The following GABRA2 variants were observed in gnomAD, a reference collection of about 807,000 sequenced individuals.
GABRA2 encodes the protein gamma-aminobutyric acid type A receptor subunit alpha2.
GABRA2 carries 16 observed loss-of-function variants against 48.7 expected under a neutral mutation model. That is an observed-to-expected ratio of 0.33 (90% confidence interval 0.22 to 0.50). The LOEUF is 0.50. Among genes scored for constraint, GABRA2 ranks in the 20% least tolerant of loss-of-function variants. The pLI, the probability that GABRA2 is intolerant of heterozygous loss-of-function variation, is 0.98. For missense variants in GABRA2, 275 were observed against 535.6 expected (o/e 0.51, Z 4.80); for synonymous variants, 185 against 184.5 (o/e 1.00, Z -0.02).
At position 46,248,079 on chromosome 4, in the gene GABRA2, A is replaced by C. The variant is rs1219111031; in HGVS notation, c.*2229T>G. ...TCAATATAGTAGCAGCTCTTTGCCC[A>C]AAGTATAGATAAGCCTTTTCTGTTG... On this transcript the variant is annotated 3_prime_UTR_variant, in exon 10 of 10. Coordinates refer to ENST00000381620, the MANE Select transcript of GABRA2 (RefSeq NM_000807.4). Among the ~76,000 whole-genome samples, 1 of 151,366 alleles carries C rather than the reference A, an allele frequency of 6.6e-6. No homozygotes were observed. Among genetic ancestry groups the C allele is most frequent in the Non-Finnish European group, 1.5e-5 (1 of 67,540 alleles).
intron 8 of GABRA2, among the ~76,000 whole-genome samples, chr4:46,290,717 A>G (rs1723464197): frequency 6.6e-6 from 1 of 152,150 alleles, no homozygotes; most frequent in South Asian, 2.1e-4. Flanking sequence ...TCAAGGAATA[A>G]TTATATAGTA....
intron 8 of GABRA2, among the ~76,000 whole-genome samples, chr4:46,294,235 G>C (rs1038878158): frequency 1.3e-5 from 2 of 152,166 alleles, no homozygotes; most frequent in Admixed American, 1.3e-4. Context: ...ATTGCAACCA[G>C]CAACCAAGAA....
chr4:46,292,567 G>A (rs1405333666), intron 8 of GABRA2, among the ~76,000 whole-genome samples: 1 of 152,140 alleles, frequency 6.6e-6, no homozygotes, highest in Non-Finnish European at 1.5e-5. Context: ...GTCGATTTGG[G>A]CGCACTAAGT....
chr4:46,389,418 G>C (rs552701948), intron 1 of GABRA2: 2 of 985,140 alleles, frequency 2.0e-6, no homozygotes, highest in African/African-American at 1.7e-5. Flanking sequence ...ATAAGAGAAG[G>C]CGCGTGAGGC....
intron 3 of GABRA2, among the ~76,000 whole-genome samples, chr4:46,337,043 T>TTG (rs1490786836): frequency 6.6e-6 from 1 of 152,138 alleles, no homozygotes; most frequent in African/African-American, 2.4e-5. Context: ...AAATTGATGT[T>TTG]CAATTATGAT....
chr4:46,286,821 A>G (rs1722634272), intron 8 of GABRA2, among the ~76,000 whole-genome samples: 1 of 152,206 alleles, frequency 6.6e-6, no homozygotes, highest in Non-Finnish European at 1.5e-5. Context: ...TATGAGTTAG[A>G]GCTCCTTATA....
At chr4:46,253,991 G>A (rs886885765) in intron 9 of GABRA2, among the ~76,000 whole-genome samples, 2 of 151,440 alleles carry the variant, frequency 1.3e-5, no homozygotes, top group African/African-American at 2.4e-5. Context: ...TGAATTCATA[G>A]CTGACTTACA....
At chr4:46,310,876 A>G (rs1043648957) in intron 5 of GABRA2, among the ~76,000 whole-genome samples, 3 of 152,180 alleles carry the variant, frequency 2.0e-5, no homozygotes, top group Admixed American at 6.5e-5. Flanking sequence ...CTACATGATT[A>G]CAACAAAGAG....
chr4:46,371,250 A>C (rs974864636), intron 3 of GABRA2, among the ~76,000 whole-genome samples: 2 of 152,120 alleles, frequency 1.3e-5, no homozygotes, highest in African/African-American at 4.8e-5. Context: ...AATCATATAT[A>C]ATATTGTTTT....
chr4:46,271,577 G>C (rs1402789115), intron 8 of GABRA2, among the ~76,000 whole-genome samples: 1 of 151,944 alleles, frequency 6.6e-6, no homozygotes, highest in Non-Finnish European at 1.5e-5. Flanking sequence ...CTGTGTTAGA[G>C]AGAGAAATTA....
intron 9 of GABRA2, among the ~76,000 whole-genome samples, chr4:46,251,920 T>G (rs1714843795): frequency 6.6e-6 from 1 of 151,474 alleles, no homozygotes; most frequent in Non-Finnish European, 1.5e-5. Context: ...TAAATAGTAC[T>G]TATCTGTTTC....
intron 8 of GABRA2, among the ~76,000 whole-genome samples, chr4:46,292,055 G>A (rs2196881): frequency 0.5 from 76,154 of 151,332 alleles, 20,355 homozygotes; most frequent in African/African-American, 0.69. Flanking sequence ...CGCCAAATGA[G>A]TGCATTTGAC....
At chr4:46,273,520 T>TATATAC (rs1719879553) in intron 8 of GABRA2, among the ~76,000 whole-genome samples, 1 of 38,980 alleles carries the variant, frequency 2.6e-5, no homozygotes, top group African/African-American at 8.6e-5. Flanking sequence ...TATATATATA[T>TATATAC]ATATATATAT....
chr4:46,293,004 C>A (rs1723962011), intron 8 of GABRA2, among the ~76,000 whole-genome samples: 1 of 152,144 alleles, frequency 6.6e-6, no homozygotes, highest in African/African-American at 2.4e-5. Flanking sequence ...ACTCAACCCT[C>A]AAAGGCAAGG....
chr4:46,296,056 C>A (rs755762901), intron 8 of GABRA2, among the ~76,000 whole-genome samples: 5 of 152,130 alleles, frequency 3.3e-5, no homozygotes, highest in African/African-American at 7.2e-5. Context: ...GGTGGAATGA[C>A]CTTTTGAAGT....
chr4:46,303,262 TTTTC>T, intron 8 of GABRA2, 194 bp downstream of exon 8: 1 of 541,320 alleles, frequency 1.8e-6, no homozygotes, highest in Non-Finnish European at 3.2e-6. Flanking sequence ...ATTTGAGTAC[TTTTC>T]TTTCCTTATA....
At position 46,251,881 on chromosome 4, in the gene GABRA2, T is replaced by C. The variant is rs533550069; in HGVS notation, c.1060-1277A>G. Among the ~76,000 whole-genome samples, 15 of 151,594 alleles carry C rather than the reference T, an allele frequency of 9.9e-5. No homozygotes were observed. In the South Asian group the frequency reaches 3.1e-3, roughly 31 times the overall value. ...GCCACATAATACATCAGTGAAATAA[T>C]ATATAATTCATTTAATAAAATGAAA... On this transcript the variant is annotated intron_variant, in intron 9 of 9. Transcript: ENST00000381620.
In GABRA2 at chr4:46,246,636, A is replaced by C. The variant is rs1713762525; in HGVS notation, c.*3672T>G. ...TTCTGAATGTTTTCATATGATAAAA[A>C]ATTTGGTCATTGCTTCAAAAACATG... On this transcript the variant is annotated 3_prime_UTR_variant, in exon 10 of 10. Coordinates refer to ENST00000381620, the MANE Select transcript of GABRA2 (RefSeq NM_000807.4). Among the ~76,000 whole-genome samples the C allele has an allele frequency of 6.6e-6, 1 of 151,218 alleles. No homozygotes were observed. The highest frequency in any genetic ancestry group is 2.1e-4 in the South Asian group (1 of 4,822).
At chr4:46,284,710 T>G (rs1722190354) in intron 8 of GABRA2, among the ~76,000 whole-genome samples, 1 of 152,166 alleles carries the variant, frequency 6.6e-6, no homozygotes, top group Non-Finnish European at 1.5e-5. Context: ...TGTTCTATTA[T>G]TCTATTCACA....
Sources: allele counts gnomAD v4.1 joint callset (sites outside exome capture counted in the v4.1 genomes callset), GRCh38; gene constraint gnomAD v4.1.1; transcripts MANE v1.5; gene names NCBI Gene and HGNC (gene_info 2026-07-23, HGNC 2026-07-21).